The following GALNT13 variants were observed in gnomAD, a reference collection of about 807,000 sequenced individuals.
GALNT13 encodes polypeptide N-acetylgalactosaminyltransferase 13, also known as UDP-GalNAc:polypeptide N-acetylgalactosaminyltransferase 13.
A neutral mutation model predicts 64.2 loss-of-function variants in GALNT13; 28 were observed. The observed-to-expected ratio is 0.44, with a 90% CI of 0.32 to 0.60. GALNT13 has a LOEUF of 0.60. Ranked by LOEUF, GALNT13 falls within the 20% of genes least tolerant of loss-of-function variation. GALNT13 has a pLI of 0.05. For missense variants in GALNT13, 577 were observed against 669.8 expected (o/e 0.86, Z 1.53); for synonymous variants, 214 against 224.6 (o/e 0.95, Z 0.42).
At chr2:153,586,310 T>TATG in the GALNT13 span, among the ~76,000 whole-genome samples, 1 of 152,156 alleles carries the variant, frequency 6.6e-6, no homozygotes, top group South Asian at 2.1e-4. Flanking sequence ...GAAACTGATC[T>TATG]TGTCTATAAA....
At chr2:153,348,469 C>T in the GALNT13 span, among the ~76,000 whole-genome samples, 32 of 152,300 alleles carry the variant, frequency 2.1e-4, no homozygotes, top group African/African-American at 4.8e-4. Context: ...AATTTGTATT[C>T]ATAAAGCTTC....
At chr2:153,178,935 G>T in the GALNT13 span, among the ~76,000 whole-genome samples, 2 of 151,406 alleles carry the variant, frequency 1.3e-5, no homozygotes, top group African/African-American at 4.9e-5. Flanking sequence ...TAGAGATGGG[G>T]TTTCACCATG....
At chr2:154,076,772 T>C (rs1040622703) in intron 3 of GALNT13, among the ~76,000 whole-genome samples, 3 of 151,592 alleles carry the variant, frequency 2.0e-5, no homozygotes, top group Non-Finnish European at 3.0e-5. Context: ...CATTATACTA[T>C]TGGGTAGTAA....
chr2:153,446,293 T>A, the GALNT13 span, among the ~76,000 whole-genome samples: 120,210 of 152,166 alleles, frequency 0.79, 48,408 homozygotes, highest in Middle Eastern at 0.87. Context: ...AAGATTCAGG[T>A]GTCAACATAG....
the GALNT13 span, among the ~76,000 whole-genome samples, chr2:153,657,110 C>T: frequency 2.0e-5 from 3 of 152,072 alleles, no homozygotes; most frequent in Non-Finnish European, 4.4e-5. Flanking sequence ...GTTATGGGCT[C>T]TACCATAGTA....
chr2:153,695,980 T>C, the GALNT13 span, among the ~76,000 whole-genome samples: 2 of 152,128 alleles, frequency 1.3e-5, no homozygotes, highest in East Asian at 3.9e-4. Flanking sequence ...TTAGTCAGGG[T>C]TCTCTAGAGG....
chr2:153,507,875 T>C, the GALNT13 span, among the ~76,000 whole-genome samples: 2 of 152,196 alleles, frequency 1.3e-5, no homozygotes, highest in African/African-American at 4.8e-5. Flanking sequence ...CTTGATGTGA[T>C]GGTCTCCCCA....
Position 154,109,203 on chromosome 2 carries a change from A to G in GALNT13, c.143-31134A>G, listed in dbSNP as rs112154309. On this transcript the variant is annotated intron_variant, in intron 3 of 12. Coordinates refer to ENST00000392825, the MANE Select transcript of GALNT13 (RefSeq NM_052917.4). Reference sequence around the variant, plus strand: ...ATGTTTTCATATATTTGTGTCATCAATGTCTTTCATCAAAGTATTTTAAGT... The same window carrying G: ...ATGTTTTCATATATTTGTGTCATCAGTGTCTTTCATCAAAGTATTTTAAGT... Among the ~76,000 whole-genome samples the G allele has an allele frequency of 2.6e-3, 396 of 152,146 alleles. 1 individual carries two copies. The highest frequency in any genetic ancestry group is 9.0e-3 in the African/African-American group (372 of 41,544).
At chr2:153,122,820 TC>T in the GALNT13 span, among the ~76,000 whole-genome samples, 12 of 151,666 alleles carry the variant, frequency 7.9e-5, no homozygotes, top group African/African-American at 2.7e-4. Flanking sequence ...TTATACCCCC[TC>T]CCCCCAAAAA....
chr2:153,311,547 G>C, the GALNT13 span, among the ~76,000 whole-genome samples: 1 of 152,188 alleles, frequency 6.6e-6, no homozygotes. Flanking sequence ...CGTAATAAAA[G>C]TGTTGGCTGA....
chr2:153,430,527 G>GAGAGA, the GALNT13 span, among the ~76,000 whole-genome samples: 1 of 140,814 alleles, frequency 7.1e-6, no homozygotes, highest in Non-Finnish European at 1.5e-5. Context: ...AGGTAGGTAG[G>GAGAGA]GAGAGAGAGA....
the GALNT13 span, among the ~76,000 whole-genome samples, chr2:153,330,361 A>G: frequency 1.3e-5 from 2 of 152,198 alleles, no homozygotes; most frequent in African/African-American, 2.4e-5. Context: ...TGTAGATTTC[A>G]TTGGGCAGTA....
At chr2:153,192,932 G>T in the GALNT13 span, among the ~76,000 whole-genome samples, 128 of 152,014 alleles carry the variant, frequency 8.4e-4, no homozygotes, top group African/African-American at 3.0e-3. Flanking sequence ...GGATCATGTT[G>T]TCATCCATTC....
At chr2:153,604,033 A>G in the GALNT13 span, among the ~76,000 whole-genome samples, 1 of 152,036 alleles carries the variant, frequency 6.6e-6, no homozygotes, top group African/African-American at 2.4e-5. Context: ...TGACTGCTGA[A>G]TGGTTGATTC....
At chr2:153,582,529 T>C in the GALNT13 span, among the ~76,000 whole-genome samples, 14 of 152,160 alleles carry the variant, frequency 9.2e-5, no homozygotes, top group Admixed American at 2.0e-4. Flanking sequence ...AAAAGATATA[T>C]ATCTCTCCCA....
At chr2:153,976,554 AT>A (rs1694089316) in intron 3 of GALNT13, among the ~76,000 whole-genome samples, 1 of 152,112 alleles carries the variant, frequency 6.6e-6, no homozygotes, top group African/African-American at 2.4e-5. Flanking sequence ...TAGTAAAATA[AT>A]TTTGCTCTAA....
chr2:154,179,909 A>G (rs1444452653), intron 4 of GALNT13, among the ~76,000 whole-genome samples: 1 of 151,980 alleles, frequency 6.6e-6, no homozygotes, highest in African/African-American at 2.4e-5. Context: ...TGCATATCCA[A>G]TCAGATACTC....
chr2:153,257,789 G>A, the GALNT13 span, among the ~76,000 whole-genome samples: 1 of 152,168 alleles, frequency 6.6e-6, no homozygotes, highest in African/African-American at 2.4e-5. Context: ...ATTTGTACAA[G>A]TGCTATAAAA....
chr2:154,382,879 CTG>C (rs1486623601), intron 9 of GALNT13, among the ~76,000 whole-genome samples: 1 of 151,370 alleles, frequency 6.6e-6, no homozygotes, highest in Admixed American at 6.6e-5. Context: ...TTCTTTGTTA[CTG>C]TGTGGCATTT....
Sources: allele counts gnomAD v4.1 joint callset (sites outside exome capture counted in the v4.1 genomes callset), GRCh38; gene constraint gnomAD v4.1.1; transcripts MANE v1.5; gene names NCBI Gene and HGNC (gene_info 2026-07-23, HGNC 2026-07-21).